ARHGAP42: variants seen among roughly 807,000 people sequenced by gnomAD.
The protein encoded by ARHGAP42 is Rho GTPase activating protein 42, also known as rho GTPase-activating protein 42.
A neutral mutation model predicts 125.0 loss-of-function variants in ARHGAP42; 63 were observed. The ratio of observed to expected loss-of-function variants is 0.50; its 90% CI spans 0.41 to 0.62. The LOEUF is 0.62. Ranked by LOEUF, ARHGAP42 falls within the 20% of genes least tolerant of loss-of-function variation. ARHGAP42 has a pLI of 0.00. For missense variants in ARHGAP42, 766 were observed against 1,024.2 expected (o/e 0.75, Z 3.44); for synonymous variants, 339 against 351.0 (o/e 0.97, Z 0.38).
chr11:100,918,130 C>T (rs1867125275), intron 5 of ARHGAP42, among the ~76,000 whole-genome samples: 1 of 78,250 alleles, frequency 1.3e-5, no homozygotes, highest in South Asian at 5.5e-4. Context: ...ATGAAATCTA[C>T]ACTCATTTTA....
intron 4 of ARHGAP42, among the ~76,000 whole-genome samples, chr11:100,911,795 T>C (rs1187360175): frequency 6.6e-6 from 1 of 152,192 alleles, no homozygotes; most frequent in Non-Finnish European, 1.5e-5. Flanking sequence ...GTGAGTTTCT[T>C]AACACACCTT....
chr11:100,775,654 A>G (rs1056779805), intron 2 of ARHGAP42, among the ~76,000 whole-genome samples: 2 of 152,220 alleles, frequency 1.3e-5, no homozygotes, highest in South Asian at 2.1e-4. Flanking sequence ...GAATCTGCCT[A>G]TGAGACGGGT....
chr11:100,976,686 C>T (rs1228702051), intron 20 of ARHGAP42, 129 bp from the exon 21 acceptor site: 1 of 1,235,186 alleles, frequency 8.1e-7, no homozygotes, highest in East Asian at 2.6e-5. Flanking sequence ...TTGCTGTACT[C>T]AAAGAACATT....
chr11:100,935,419 T>C (rs889808845), intron 7 of ARHGAP42, among the ~76,000 whole-genome samples: 3 of 152,178 alleles, frequency 2.0e-5, no homozygotes, highest in African/African-American at 2.4e-5. Context: ...TCTTCAAAAA[T>C]AGCCTTTGGA....
intron 4 of ARHGAP42, among the ~76,000 whole-genome samples, chr11:100,882,523 C>T (rs114533526): frequency 0.014 from 2,115 of 148,342 alleles, 45 homozygotes; most frequent in African/African-American, 0.049. Context: ...TAACAATTTT[C>T]GTATCTATAT....
chr11:100,730,486 G>T (rs574876002), intron 1 of ARHGAP42, among the ~76,000 whole-genome samples: 2 of 152,132 alleles, frequency 1.3e-5, no homozygotes, highest in African/African-American at 2.4e-5. Flanking sequence ...AGCCAATGTT[G>T]CTTTCTCACA....
At chr11:100,798,515 G>T (rs999432156) in intron 3 of ARHGAP42, among the ~76,000 whole-genome samples, 1 of 152,110 alleles carries the variant, frequency 6.6e-6, no homozygotes, top group Non-Finnish European at 1.5e-5. Flanking sequence ...CATTTTTCAG[G>T]CAGGAAATAC....
chr11:100,743,376 G>A (rs1862229654), intron 1 of ARHGAP42, among the ~76,000 whole-genome samples: 1 of 152,154 alleles, frequency 6.6e-6, no homozygotes, highest in Non-Finnish European at 1.5e-5. Context: ...TCTGTTTAAG[G>A]AGGCTAAAGA....
chr11:100,953,693 T>C (rs1857724153), intron 12 of ARHGAP42, among the ~76,000 whole-genome samples: 1 of 152,160 alleles, frequency 6.6e-6, no homozygotes, highest in Non-Finnish European at 1.5e-5. Flanking sequence ...TAAATGAGAC[T>C]TGAAAAGGAA....
chr11:100,924,311 A>G (rs1275713594), intron 6 of ARHGAP42, among the ~76,000 whole-genome samples: 1 of 152,074 alleles, frequency 6.6e-6, no homozygotes. Context: ...CATTGTTTTA[A>G]TCAATATCAA....
At chr11:100,855,224 A>G (rs1327125428) in intron 3 of ARHGAP42, among the ~76,000 whole-genome samples, 1 of 152,136 alleles carries the variant, frequency 6.6e-6, no homozygotes, top group African/African-American at 2.4e-5. Flanking sequence ...TGAGTGTTTT[A>G]TTGCTTTGAA....
chr11:100,708,250 A>T (rs908345849), intron 1 of ARHGAP42, among the ~76,000 whole-genome samples: 6 of 152,190 alleles, frequency 3.9e-5, no homozygotes, highest in Admixed American at 3.3e-4. Context: ...GGTGGCTCAC[A>T]CCTGCAACAC....
chr11:100,797,003 G>A (rs1012667631), intron 3 of ARHGAP42, among the ~76,000 whole-genome samples: 13 of 152,188 alleles, frequency 8.5e-5, no homozygotes, highest in African/African-American at 2.9e-4. Flanking sequence ...TCCTGACCTC[G>A]TGATCAGCCT....
chr11:100,735,342 A>G (rs1209270987), intron 1 of ARHGAP42, among the ~76,000 whole-genome samples: 1 of 152,150 alleles, frequency 6.6e-6, no homozygotes, highest in African/African-American at 2.4e-5. Context: ...TTTCTGAACT[A>G]TTTAAGAGGC....
chr11:100,696,362 A>T (rs1565531693), intron 1 of ARHGAP42, among the ~76,000 whole-genome samples: 1 of 151,486 alleles, frequency 6.6e-6, no homozygotes, highest in Non-Finnish European at 1.5e-5. Context: ...TTATCTATTT[A>T]TTTTTTTTGA....
intron 6 of ARHGAP42, among the ~76,000 whole-genome samples, chr11:100,922,469 C>A (rs1232939828): frequency 6.6e-6 from 1 of 152,046 alleles, no homozygotes. Context: ...AAGGTTTGCT[C>A]TAGAGTCAGG....
At chr11:100,961,823 A>G in intron 15 of ARHGAP42, 55 bp downstream of exon 15, 1 of 1,408,244 alleles carries the variant, frequency 7.1e-7, no homozygotes, top group Non-Finnish European at 9.8e-7. Flanking sequence ...TCACCCCTTG[A>G]GTAGTAACCA....
chr11:100,923,543 CAGAGGAG>C (rs1184746271), intron 6 of ARHGAP42, among the ~76,000 whole-genome samples: 3 of 151,188 alleles, frequency 2.0e-5, no homozygotes, highest in Non-Finnish European at 4.4e-5. Flanking sequence ...CAGATGTATA[CAGAGGAG>C]ATTGTAAAAA....
chr11:100,795,725 C>T (rs1416932473), intron 3 of ARHGAP42, among the ~76,000 whole-genome samples: 1 of 152,130 alleles, frequency 6.6e-6, no homozygotes, highest in Non-Finnish European at 1.5e-5. Flanking sequence ...TGATTTTATG[C>T]CCAATGTTTT....
Sources: gnomAD v4.1 joint callset for allele counts (sites outside exome capture counted in the v4.1 genomes callset) on GRCh38, gnomAD v4.1.1 for gene constraint, MANE v1.5 for transcripts, NCBI Gene and HGNC (gene_info 2026-07-23, HGNC 2026-07-21) for gene names.